SLC7A2: variants seen among roughly 807,000 people sequenced by gnomAD.
SLC7A2 encodes the protein solute carrier family 7 member 2, also known as cationic amino acid transporter 2.
SLC7A2 carries 48 observed loss-of-function variants against 58.9 expected under a neutral mutation model. That is an observed-to-expected ratio of 0.82 (90% CI 0.65 to 1.04). The LOEUF is 1.04. Ranked by LOEUF, SLC7A2 falls within the 50% of genes least tolerant of loss-of-function variation. The pLI, the probability that SLC7A2 is intolerant of heterozygous loss-of-function variation, is 0.00. For synonymous variants in SLC7A2, 363 were observed against 314.5 expected, an observed-to-expected ratio of 1.15 and a Z score of -1.63; for missense variants, 1,029 against 818.8, an observed-to-expected ratio of 1.26 and a Z score of -3.13.
Position 17,526,534 on chromosome 8 carries a change from T to A in SLC7A2, c.-22-16784T>A, listed in dbSNP as rs565408004. On this transcript the variant is annotated intron_variant, in intron 2 of 12. Coordinates refer to ENST00000494857, the MANE Select transcript of SLC7A2 (RefSeq NM_001370338.1). ...CAATTTCAGGTCTGGATGAATTACA[T>A]CTCATGATGTTGGAGGAATTTTTAG... 4.6e-5 allele frequency among the ~76,000 whole-genome samples: 7 copies of A among 152,244 alleles called. No homozygotes were observed. The South Asian group carries it at 1.2e-3, about 27-fold the overall frequency.
intron 4 of SLC7A2, among the ~76,000 whole-genome samples, chr8:17,547,077 T>G (rs1046127562): frequency 6.6e-6 from 1 of 152,186 alleles, no homozygotes; most frequent in African/African-American, 2.4e-5. Flanking sequence ...GGCATTAATA[T>G]ATAAATAAAT....
At chr8:17,502,565 A>G (rs1800203419) in intron 2 of SLC7A2, among the ~76,000 whole-genome samples, 1 of 152,184 alleles carries the variant, frequency 6.6e-6, no homozygotes, top group Non-Finnish European at 1.5e-5. Flanking sequence ...GAAGTTACGG[A>G]GTTGAGTATC....
At chr8:17,526,494 G>A (rs1415247406) in intron 2 of SLC7A2, among the ~76,000 whole-genome samples, 1 of 152,122 alleles carries the variant, frequency 6.6e-6, no homozygotes, top group East Asian at 1.9e-4. Context: ...GAACCTCACT[G>A]TTAAAACTAG....
chr8:17,552,138 C>G (rs1051870327), intron 7 of SLC7A2, 152 bp downstream of exon 7: 5 of 646,900 alleles, frequency 7.7e-6, no homozygotes, highest in African/African-American at 1.8e-5. Context: ...TCAGAATTTC[C>G]ACATAAAAAT....
At chr8:17,560,676 C>A in intron 10 of SLC7A2, 143 bp downstream of exon 10, 2 of 658,548 alleles carry the variant, frequency 3.0e-6, no homozygotes, top group Non-Finnish European at 5.4e-6. Flanking sequence ...TAAAGCATCA[C>A]CAGTGGTTGA....
In SLC7A2 at chr8:17,502,299, A is replaced by G. The variant is rs1363982444; in HGVS notation, c.-26A>G. 1 of 152,028 alleles carries G rather than the reference A, an allele frequency of 6.6e-6. No individual in the cohort carries two copies. Among genetic ancestry groups the G allele is most frequent in the Admixed American group, 6.6e-5 (1 of 15,244 alleles). 9.4% of individuals were successfully genotyped at this position (152,028 alleles called of 1,614,324 possible). On this transcript the variant is annotated 5_prime_UTR_variant, in exon 2 of 13. Transcript: ENST00000494857. ...ACCAGCAGGAAAGCAGTGAGCCCTT[A>G]CAGGTTAGTGCTGATTTCAATCTTG...
chr8:17,522,493 C>CT (rs1801054712), intron 2 of SLC7A2, among the ~76,000 whole-genome samples: 2 of 152,010 alleles, frequency 1.3e-5, no homozygotes, highest in African/African-American at 2.4e-5. Flanking sequence ...TTTGTACCAC[C>CT]CTGATAAGTA....
chr8:17,553,101 C>T (rs768057531), intron 7 of SLC7A2, among the ~76,000 whole-genome samples: 1 of 152,148 alleles, frequency 6.6e-6, no homozygotes, highest in Non-Finnish European at 1.5e-5. Flanking sequence ...GTCAAGCAGG[C>T]TGAAGTGCAG....
intron 1 of SLC7A2, 57 bp from the exon 2 acceptor site, chr8:17,502,200 A>G (rs1346092232): frequency 6.6e-6 from 1 of 151,766 alleles, no homozygotes; most frequent in Non-Finnish European, 1.5e-5. Context: ...TGAAAAAAAA[A>G]GAATGGAGAA....
At chr8:17,518,077 C>T (rs1800871408) in intron 2 of SLC7A2, among the ~76,000 whole-genome samples, 1 of 152,034 alleles carries the variant, frequency 6.6e-6, no homozygotes, top group Non-Finnish European at 1.5e-5. Flanking sequence ...AGCAATGAAT[C>T]GTCTCTATTA....
At chr8:17,503,533 C>T (rs1800250871) in intron 2 of SLC7A2, among the ~76,000 whole-genome samples, 1 of 151,702 alleles carries the variant, frequency 6.6e-6, no homozygotes, top group Non-Finnish European at 1.5e-5. Context: ...TGCAGCTTGC[C>T]AAGGTACTTG....
chr8:17,529,522 T>G (rs963364889), intron 2 of SLC7A2, among the ~76,000 whole-genome samples: 1 of 124,694 alleles, frequency 8.0e-6, no homozygotes, highest in Non-Finnish European at 1.8e-5. Context: ...GTTTTTGGTT[T>G]TGTTTTTTTG....
chr8:17,502,373 A>G (rs1168428976), intron 2 of SLC7A2, 71 bp downstream of exon 2: 1 of 152,200 alleles, frequency 6.6e-6, no homozygotes, highest in Admixed American at 6.5e-5. Context: ...AAATGTTGAC[A>G]GTGGAAAGAT....
intron 8 of SLC7A2, among the ~76,000 whole-genome samples, chr8:17,556,645 G>C (rs1372833217): frequency 2.6e-5 from 4 of 151,602 alleles, no homozygotes; most frequent in Admixed American, 6.6e-5. Flanking sequence ...GTGTCACTCT[G>C]TCACCCAGGC....
At chr8:17,543,906 C>T (rs761415693) in intron 3 of SLC7A2, among the ~76,000 whole-genome samples, 191 bp downstream of exon 3, 4 of 152,082 alleles carry the variant, frequency 2.6e-5, no homozygotes, top group Admixed American at 6.6e-5. Context: ...CTCACTCTGT[C>T]GCCCAGGCTT....
chr8:17,554,714 A>T lies in SLC7A2; in HGVS notation c.1195+15A>T, dbSNP rs750850210. 6 of 1,598,364 alleles carry T rather than the reference A, an allele frequency of 3.8e-6. No individual in the cohort carries two copies. The highest frequency in any genetic ancestry group is 2.3e-5 in the South Asian group (2 of 87,726). On this transcript the variant is annotated intron_variant, in intron 8 of 12. Transcript: ENST00000494857. ...TGCAGTGGCAGGTGAGAGAGAGTTG[A>T]CTTTTCTTCAGAAACGGGGGATCTT... is the stretch of plus-strand genomic sequence containing the variant.
chr8:17,512,402 C>T (rs1039594854), intron 2 of SLC7A2, among the ~76,000 whole-genome samples: 3 of 152,046 alleles, frequency 2.0e-5, no homozygotes, highest in African/African-American at 7.2e-5. Flanking sequence ...CAAAAATTAG[C>T]TGGGCATGGT....
rs567582473 is a variant in SLC7A2, at chr8:17,569,513, T to A, written c.*4367T>A. 6.6e-6 allele frequency: 1 copy of A among 152,310 alleles called. No homozygotes were observed. Among genetic ancestry groups the A allele is most frequent in the Non-Finnish European group, 1.5e-5 (1 of 68,024 alleles). The allele number at this position is 152,310 out of a possible 1,614,324, so 9.4% of individuals were successfully genotyped here. Reference sequence around the variant, plus strand: ...TAGTCATATAGATATGAAAATAAGTTCATATAGATATGAAATTGCTTGACT... The same window carrying A: ...TAGTCATATAGATATGAAAATAAGTACATATAGATATGAAATTGCTTGACT... On this transcript the variant is annotated 3_prime_UTR_variant, in exon 13 of 13. Transcript: ENST00000494857.
At chr8:17,504,767 A>C (rs1211214679) in intron 2 of SLC7A2, among the ~76,000 whole-genome samples, 2 of 152,314 alleles carry the variant, frequency 1.3e-5, no homozygotes, top group East Asian at 3.9e-4. Flanking sequence ...TTTTACTGCA[A>C]CTCTTAAAAG....
Sources: allele counts gnomAD v4.1 joint callset (sites outside exome capture counted in the v4.1 genomes callset), GRCh38; gene constraint gnomAD v4.1.1; transcripts MANE v1.5; gene names NCBI Gene and HGNC (gene_info 2026-07-23, HGNC 2026-07-21).